The following FAM149B1 variants were observed in gnomAD, a reference collection of about 807,000 sequenced individuals.
The protein encoded by FAM149B1 is family with sequence similarity 149 member B1, also known as primary cilium assembly protein FAM149B1.
In FAM149B1, 56 loss-of-function variants were observed where a neutral mutation model predicts 75.3. The observed-to-expected ratio is 0.74, with a 90% confidence interval of 0.60 to 0.93. The LOEUF (loss-of-function observed/expected upper bound fraction) is 0.93, where lower values mean the gene tolerates loss of function less well. Ranked by LOEUF, FAM149B1 falls within the 40% of genes least tolerant of loss-of-function variation. The probability of loss-of-function intolerance (pLI) is 0.00; values close to 1 mark genes in which losing one functional copy is unlikely to be tolerated. For synonymous variants in FAM149B1, 259 were observed against 256.1 expected, an observed-to-expected ratio of 1.01 and a Z score of -0.11; for missense variants, 639 against 708.4, an observed-to-expected ratio of 0.90 and a Z score of 1.11.
chr10:73,240,751 C>T (rs779176341), intron 13 of FAM149B1, among the ~76,000 whole-genome samples, 195 bp from the exon 14 acceptor site: 11 of 151,270 alleles, frequency 7.3e-5, no homozygotes, highest in Non-Finnish European at 1.5e-4. Flanking sequence ...ACTTATGTAA[C>T]ACTGAAGTGG....
At chr10:73,198,995 C>T (rs2042871138) in intron 5 of FAM149B1, among the ~76,000 whole-genome samples, 6 of 152,248 alleles carry the variant, frequency 3.9e-5, no homozygotes, top group Admixed American at 3.3e-4. Context: ...ATGCGGAACT[C>T]TACTTCCTAA....
rs1249117781 is a variant in FAM149B1, at chr10:73,243,486, T to C, written c.*2467T>C. The C allele has an allele frequency of 6.2e-7, 1 of 1,614,166 alleles. No homozygotes were observed. The highest frequency in any genetic ancestry group is 1.1e-5 in the South Asian group (1 of 91,090). ...TTTGCTTCCATCTGAGCCAGAAAAT[T>C]GTCCATTTCCTTTTGCCGATCCTTT... On this transcript the variant is annotated 3_prime_UTR_variant, in exon 14 of 14. Transcript: ENST00000242505.
intron 3 of FAM149B1, among the ~76,000 whole-genome samples, chr10:73,188,500 C>A (rs943498857): frequency 3.9e-5 from 6 of 152,038 alleles, no homozygotes; most frequent in Admixed American, 3.3e-4. Flanking sequence ...CTTTTACATA[C>A]CTCATTAAGA....
At chr10:73,221,040 G>A (rs1404980571) in intron 7 of FAM149B1, among the ~76,000 whole-genome samples, 4 of 152,150 alleles carry the variant, frequency 2.6e-5, no homozygotes, top group Non-Finnish European at 5.9e-5. Context: ...CCATGTATAT[G>A]GTATGATTCC....
intron 5 of FAM149B1, among the ~76,000 whole-genome samples, chr10:73,195,609 A>G (rs1316019756): frequency 1.3e-5 from 2 of 152,316 alleles, no homozygotes; most frequent in Non-Finnish European, 2.9e-5. Context: ...TTTAATCTTC[A>G]AGGAAATAAG....
intron 1 of FAM149B1, among the ~76,000 whole-genome samples, chr10:73,171,587 A>T (rs1843718873): frequency 6.6e-6 from 1 of 151,842 alleles, no homozygotes; most frequent in African/African-American, 2.4e-5. Context: ...CAGTTAACAA[A>T]GTTAATATAT....
rs1564723039 is a variant in FAM149B1, at chr10:73,244,364, G to GCCC, written c.*3346_*3347insCCC. On this transcript the variant is annotated 3_prime_UTR_variant, in exon 14 of 14. Coordinates refer to ENST00000242505, the MANE Select transcript of FAM149B1 (RefSeq NM_173348.2). The stretch of plus-strand genomic sequence containing the variant: ...GAAAAGAAATGAGCCTGGTGTGGTG[G>GCCC]CATGTGCTTGTAGTCCCAGCTACTA... The GCCC allele has an allele frequency of 6.4e-6, 1 of 157,368 alleles. No individual in the cohort carries two copies. Among genetic ancestry groups the GCCC allele is most frequent in the African/African-American group, 2.4e-5 (1 of 41,444 alleles). The allele number at this position is 157,368 out of a possible 1,614,324, so 9.7% of individuals were successfully genotyped here.
chr10:73,171,504 T>G (rs1164044605), intron 1 of FAM149B1, among the ~76,000 whole-genome samples: 1 of 152,170 alleles, frequency 6.6e-6, no homozygotes, highest in Non-Finnish European at 1.5e-5. Context: ...CAGCTTAACA[T>G]TTTTTAATGA....
intron 7 of FAM149B1, among the ~76,000 whole-genome samples, chr10:73,224,198 T>C (rs2043481521): frequency 6.6e-6 from 1 of 152,126 alleles, no homozygotes; most frequent in Non-Finnish European, 1.5e-5. Context: ...AAGATTTCAG[T>C]CTTTGACAAC....
chr10:73,206,699 A>G (rs1173059267), intron 5 of FAM149B1, among the ~76,000 whole-genome samples: 1 of 152,180 alleles, frequency 6.6e-6, no homozygotes, highest in African/African-American at 2.4e-5. Flanking sequence ...GCCGCTTTAG[A>G]GAATCTAAGA....
At chr10:73,230,628 C>A in intron 9 of FAM149B1, 103 bp downstream of exon 9, 1 of 657,204 alleles carries the variant, frequency 1.5e-6, no homozygotes, top group Non-Finnish European at 2.8e-6. Flanking sequence ...ACCAAGCAAC[C>A]ACAAAAACTC....
At chr10:73,176,975 C>G (rs529416437) in intron 2 of FAM149B1, among the ~76,000 whole-genome samples, 34 of 151,228 alleles carry the variant, frequency 2.2e-4, no homozygotes, top group African/African-American at 8.3e-4. Flanking sequence ...TGCAGTGAGC[C>G]GAGATCACGC....
intron 3 of FAM149B1, among the ~76,000 whole-genome samples, chr10:73,191,511 T>A (rs2042684352): frequency 2.0e-5 from 3 of 152,136 alleles, no homozygotes; most frequent in Admixed American, 2.0e-4. Flanking sequence ...TAATTTTTTT[T>A]ATTTTTAGTA....
At chr10:73,238,472 T>A (rs1242979437) in intron 12 of FAM149B1, among the ~76,000 whole-genome samples, 2 of 152,264 alleles carry the variant, frequency 1.3e-5, no homozygotes, top group Non-Finnish European at 2.9e-5. Context: ...TCACTTGGCC[T>A]ACCGCCTTGT....
intron 3 of FAM149B1, among the ~76,000 whole-genome samples, chr10:73,187,238 T>C (rs1019306934): frequency 1.3e-5 from 2 of 152,022 alleles, no homozygotes; most frequent in African/African-American, 4.8e-5. Context: ...TCCTTGTTCA[T>C]GAATTGGAAG....
At chr10:73,186,548 T>C (rs1359544432) in intron 3 of FAM149B1, among the ~76,000 whole-genome samples, 1 of 152,186 alleles carries the variant, frequency 6.6e-6, no homozygotes, top group African/African-American at 2.4e-5. Context: ...TATTCACAGA[T>C]ACCATGATGT....
chr10:73,208,750 T>C lies in FAM149B1; in HGVS notation c.674T>C (p.Ile225Thr). 1 of 1,535,372 alleles carries C rather than the reference T, an allele frequency of 6.5e-7. No individual in the cohort carries two copies. The highest frequency in any genetic ancestry group is 8.8e-7 in the Non-Finnish European group (1 of 1,137,472). The change falls in exon 6 of 14, where the codon ATA becomes ACA. Residue 225 changes from isoleucine to threonine, a missense_variant. Transcript: ENST00000242505. ...GACTCTATAATCGTCTCAGAAGGAA[T>C]AATTGAGGAATACCTAGCATTCGAT... ...EEDSIIVSEG[I>T]IEEYLAFDHI...
At chr10:73,175,073 A>G (rs1843887312) in intron 2 of FAM149B1, among the ~76,000 whole-genome samples, 1 of 152,176 alleles carries the variant, frequency 6.6e-6, no homozygotes, top group Admixed American at 6.6e-5. Flanking sequence ...CAAACAAACA[A>G]AAAAACAGAA....
chr10:73,238,352 C>A (rs1002067044), intron 12 of FAM149B1, among the ~76,000 whole-genome samples: 1 of 152,058 alleles, frequency 6.6e-6, no homozygotes, highest in Non-Finnish European at 1.5e-5. Context: ...TCTGTCCCCC[C>A]ACAAAAAAAA....
Sources: allele counts gnomAD v4.1 joint callset (sites outside exome capture counted in the v4.1 genomes callset), GRCh38; gene constraint gnomAD v4.1.1; transcripts MANE v1.5; gene names NCBI Gene and HGNC (gene_info 2026-07-23, HGNC 2026-07-21).